C11orf65: variants seen among roughly 807,000 people sequenced by gnomAD.
C11orf65 encodes the protein protein MFI.
In C11orf65, 38 loss-of-function variants were observed where a neutral mutation model predicts 35.3. The observed-to-expected ratio is 1.08, with a 90% CI of 0.83 to 1.41. The LOEUF (loss-of-function observed/expected upper bound fraction) is 1.41. C11orf65 is among the 40% of genes most tolerant of loss of function. C11orf65 has a pLI of 0.00. For synonymous variants in C11orf65, 105 were observed against 114.4 expected (o/e 0.92, Z 0.53); for missense variants, 370 against 367.1 (o/e 1.01, Z -0.06).
At chr11:108,359,033 G>C (rs1220188301) in intron 2 of C11orf65, among the ~76,000 whole-genome samples, 1 of 150,156 alleles carries the variant, frequency 6.7e-6, no homozygotes, top group Non-Finnish European at 1.5e-5. Context: ...CCATCAGTGT[G>C]CTGTATTCAG....
At chr11:108,464,068 A>T (rs1157950784) in intron 1 of C11orf65, among the ~76,000 whole-genome samples, 3 of 151,464 alleles carry the variant, frequency 2.0e-5, no homozygotes, top group Non-Finnish European at 4.4e-5. Flanking sequence ...CTGGGATTAC[A>T]GGTGTGTGCC....
intron 2 of C11orf65, among the ~76,000 whole-genome samples, chr11:108,449,970 A>G (rs947802147): frequency 6.6e-6 from 1 of 152,036 alleles, no homozygotes; most frequent in Admixed American, 6.5e-5. Flanking sequence ...AAAGTGGGCC[A>G]AGGATATGAA....
chr11:108,352,119 C>G (rs1014541435), intron 2 of C11orf65, among the ~76,000 whole-genome samples: 2 of 152,182 alleles, frequency 1.3e-5, no homozygotes, highest in African/African-American at 4.8e-5. Flanking sequence ...AATTGAAAAT[C>G]ATTAGGCATA....
intron 2 of C11orf65, among the ~76,000 whole-genome samples, chr11:108,450,246 C>G (rs777054465): frequency 2.0e-5 from 3 of 151,914 alleles, no homozygotes; most frequent in African/African-American, 4.9e-5. Flanking sequence ...GGATCTAGAA[C>G]TAGAAATACC....
At chr11:108,406,457 T>C (rs1467704296) in intron 5 of C11orf65, among the ~76,000 whole-genome samples, 1 of 152,188 alleles carries the variant, frequency 6.6e-6, no homozygotes, top group Non-Finnish European at 1.5e-5. Flanking sequence ...AGTGTTAATA[T>C]ATTCAACATA....
chr11:108,331,353 G>T, downstream of C11orf65: 1 of 1,514,212 alleles, frequency 6.6e-7, no homozygotes, highest in Non-Finnish European at 8.9e-7. Context: ...TGCTAATAGA[G>T]GAGCACTGTC....
At chr11:108,459,670 CA>C (rs1467859485) in intron 2 of C11orf65, among the ~76,000 whole-genome samples, 1 of 151,140 alleles carries the variant, frequency 6.6e-6, no homozygotes. Context: ...ACCTTCTACA[CA>C]GTGTCGTTTC....
At chr11:108,331,139 G>A (rs2086193165), downstream of C11orf65, 2 of 1,088,230 alleles carry the variant, frequency 1.8e-6, no homozygotes, top group Non-Finnish European at 2.2e-6. Flanking sequence ...CAAGATCACA[G>A]TCACACTCAG....
chr11:108,366,621 C>A, intron 2 of C11orf65: 1 of 230,986 alleles, frequency 4.3e-6, no homozygotes. Context: ...AGGGCTGTTG[C>A]TGCACACAAG....
chr11:108,316,174 A>G (rs1472997665), intron 6 of C11orf65: 4 of 1,419,994 alleles, frequency 2.8e-6, no homozygotes, highest in Non-Finnish European at 4.0e-6. Context: ...TTATTTCAGT[A>G]TGTTGGTGGA....
chr11:108,354,064 CACACAA>C lies in C11orf65; in HGVS notation c.227-18778_227-18773del, dbSNP rs200076664. Among the ~76,000 whole-genome samples the C allele has an allele frequency of 0.026, 2,691 of 103,034 alleles. 39 individuals are homozygous for C. Among genetic ancestry groups the C allele is most frequent in the East Asian group, 0.048 (135 of 2,786 alleles). The allele number at this position is 103,034 out of a possible 152,430, so 67.6% of individuals were successfully genotyped here. A position where few individuals can be genotyped will look rare whatever the true frequency, so the allele number is the denominator to read the frequency against. On this transcript the variant is annotated intron_variant, in intron 2 of 3. Coordinates refer to the C11orf65 transcript ENST00000524755. ...GACCCTGTATCTAAAAAAATACACA[CACACAA>C]ACACACACACACACACACACACACA...
intron 3 of C11orf65, among the ~76,000 whole-genome samples, chr11:108,414,340 A>G (rs2092701520): frequency 6.6e-6 from 1 of 151,978 alleles, no homozygotes; most frequent in South Asian, 2.1e-4. Context: ...AAAGAATGAA[A>G]ATGGTGAAGG....
intron 3 of C11orf65, among the ~76,000 whole-genome samples, chr11:108,413,110 GAATA>G (rs2092684124): frequency 6.6e-6 from 1 of 152,142 alleles, no homozygotes; most frequent in Non-Finnish European, 1.5e-5. Flanking sequence ...TCGAACAACA[GAATA>G]TATATTCTTC....
downstream of C11orf65, chr11:108,331,337 C>T: frequency 3.4e-6 from 5 of 1,472,298 alleles, no homozygotes; most frequent in Admixed American, 2.4e-5. Context: ...TTTTGTTAAC[C>T]ACTTGTGCTA....
At chr11:108,417,726 A>G (rs941762444) in intron 3 of C11orf65, among the ~76,000 whole-genome samples, 1 of 152,084 alleles carries the variant, frequency 6.6e-6, no homozygotes, top group Non-Finnish European at 1.5e-5. Flanking sequence ...GAATGAACAC[A>G]TGGACACAGG....
chr11:108,415,302 T>C lies in C11orf65; in HGVS notation c.175-8153A>G, dbSNP rs916390466. On this transcript the variant is annotated intron_variant, in intron 3 of 8. Transcript: ENST00000393084. ...AATATACTAATCAACTGCTTTATTATATACCAGCAATAAGCAACCAGAATT... is the reference window on the plus strand; with the variant it reads ...AATATACTAATCAACTGCTTTATTACATACCAGCAATAAGCAACCAGAATT... Among the ~76,000 whole-genome samples the C allele has an allele frequency of 5.3e-5, 8 of 152,302 alleles. No homozygotes were observed. The East Asian group carries it at 5.8e-4, about 11-fold the overall frequency.
intron 2 of C11orf65, among the ~76,000 whole-genome samples, chr11:108,352,083 C>G (rs192575393): frequency 1.3e-5 from 2 of 152,204 alleles, no homozygotes; most frequent in Admixed American, 1.3e-4. Context: ...TCCTGAGTCT[C>G]GTAATAACTA....
At chr11:108,400,929 A>C (rs1591470162) in intron 6 of C11orf65, among the ~76,000 whole-genome samples, 1 of 151,594 alleles carries the variant, frequency 6.6e-6, no homozygotes, top group African/African-American at 2.4e-5. Flanking sequence ...ATATGTTGAA[A>C]CCCTGCCTCT....
chr11:108,454,708 C>T (rs2093392391), intron 2 of C11orf65, among the ~76,000 whole-genome samples: 1 of 152,120 alleles, frequency 6.6e-6, no homozygotes, highest in Admixed American at 6.6e-5. Context: ...GATCTTTCTG[C>T]CTCAGTCTCC....
Sources: allele counts gnomAD v4.1 joint callset (sites outside exome capture counted in the v4.1 genomes callset), GRCh38; gene constraint gnomAD v4.1.1; transcripts MANE v1.5; gene names NCBI Gene and HGNC (gene_info 2026-07-23, HGNC 2026-07-21).